The following ZNF519 variants were observed in gnomAD, a reference collection of about 807,000 sequenced individuals.
The protein encoded by ZNF519 is zinc finger protein 519, also known as similar to Zinc finger protein 85 (Zinc finger protein HPF4) (HTF1).
In ZNF519, 7 loss-of-function variants were observed where a neutral mutation model predicts 7.4. That is an observed-to-expected ratio of 0.94 (90% CI 0.54 to 1.77). The LOEUF is 1.77. Ranked by LOEUF, ZNF519 falls within the 40% of genes most tolerant of loss-of-function variation. ZNF519 has a pLI of 0.00. For missense variants in ZNF519, 586 were observed against 623.1 expected, an observed-to-expected ratio of 0.94 and a Z score of 0.63; for synonymous variants, 179 against 203.3, an observed-to-expected ratio of 0.88 and a Z score of 1.02.
downstream of ZNF519, among the ~76,000 whole-genome samples, chr18:14,097,179 G>C (rs2046140326): frequency 6.6e-6 from 1 of 152,196 alleles, no homozygotes; most frequent in South Asian, 2.1e-4. Flanking sequence ...AGTAAAAACA[G>C]TGATGATGAA....
At chr18:14,128,004 C>G (rs2143173539) in intron 1 of ZNF519, among the ~76,000 whole-genome samples, 1 of 151,922 alleles carries the variant, frequency 6.6e-6, no homozygotes, top group East Asian at 1.9e-4. Context: ...AAAAACTCTC[C>G]ACCAGCCGGG....
intron 1 of ZNF519, among the ~76,000 whole-genome samples, chr18:14,125,262 C>T (rs1226340554): frequency 6.6e-6 from 1 of 152,160 alleles, no homozygotes; most frequent in Non-Finnish European, 1.5e-5. Context: ...TTTACAAAGG[C>T]AGGAGATAAT....
At chr18:14,129,353 T>C (rs1225775831) in intron 1 of ZNF519, among the ~76,000 whole-genome samples, 1 of 152,088 alleles carries the variant, frequency 6.6e-6, no homozygotes, top group Non-Finnish European at 1.5e-5. Context: ...GGGAGGAGTG[T>C]AGCCAGATCA....
chr18:14,083,089 C>A (rs2143083152), intron 3 of ZNF519, among the ~76,000 whole-genome samples: 1 of 152,266 alleles, frequency 6.6e-6, no homozygotes, highest in East Asian at 1.9e-4. Flanking sequence ...GTGGCTCACG[C>A]CTATAATCCC....
At chr18:14,093,207 A>C (rs2046121395) in intron 2 of ZNF519, among the ~76,000 whole-genome samples, 1 of 152,128 alleles carries the variant, frequency 6.6e-6, no homozygotes, top group Non-Finnish European at 1.5e-5. Context: ...AGCTAGAGAC[A>C]CCGCTGCTTA....
downstream of ZNF519, among the ~76,000 whole-genome samples, chr18:14,097,340 G>C (rs933334034): frequency 5.3e-5 from 8 of 152,280 alleles, no homozygotes; most frequent in African/African-American, 1.4e-4. Context: ...ATGGTTGCAG[G>C]ATGGAGTTTC....
At chr18:14,126,478 A>G (rs1302656223) in intron 1 of ZNF519, among the ~76,000 whole-genome samples, 1 of 152,174 alleles carries the variant, frequency 6.6e-6, no homozygotes, top group African/African-American at 2.4e-5. Context: ...TCAAAACTCA[A>G]AACAAGGGAT....
chr18:14,073,227 G>A (rs2046034429), downstream of ZNF519: 1 of 150,450 alleles, frequency 6.6e-6, no homozygotes. Context: ...AGTTTGCATG[G>A]AAATTTTTAT....
At chr18:14,075,772 C>G (rs1426941618), downstream of ZNF519, 1 of 152,182 alleles carries the variant, frequency 6.6e-6, no homozygotes, top group Non-Finnish European at 1.5e-5. Context: ...TACTTCTATT[C>G]ATATTCAGAG....
At chr18:14,083,460 T>A (rs2046077721) in intron 3 of ZNF519, among the ~76,000 whole-genome samples, 1 of 152,200 alleles carries the variant, frequency 6.6e-6, no homozygotes, top group Admixed American at 6.5e-5. Flanking sequence ...ATTCTGTCAA[T>A]GATTTAAACA....
intron 3 of ZNF519, among the ~76,000 whole-genome samples, chr18:14,079,293 T>A (rs552210434): frequency 6.6e-6 from 1 of 152,304 alleles, no homozygotes; most frequent in African/African-American, 2.4e-5. Flanking sequence ...AGATATACCA[T>A]GCTCATAGAT....
downstream of ZNF519, chr18:14,073,453 T>C (rs1313499578): frequency 6.6e-6 from 1 of 152,098 alleles, no homozygotes; most frequent in Non-Finnish European, 1.5e-5. Context: ...GCATTTTTAG[T>C]AGAGGCAAGG....
rs558556401 is a variant in ZNF519, at chr18:14,104,537, A to G, written c.*380T>C. 21 of 161,292 alleles carry G rather than the reference A, an allele frequency of 1.3e-4. 1 individual carries two copies. Among genetic ancestry groups the G allele is most frequent in the East Asian group, 1.3e-3 (7 of 5,416 alleles). The allele number at this position is 161,292 out of a possible 1,614,324, so 10.0% of individuals were successfully genotyped here. A position where few individuals can be genotyped will look rare whatever the true frequency, so the allele number is the denominator to read the frequency against. ...ACAGCAATAATCAACCACAGTGGGG[A>G]AAAAAAAGGTTAATTTGAATTTAAT... On this transcript the variant is annotated 3_prime_UTR_variant, in exon 3 of 3. Transcript: ENST00000590202.
At chr18:14,116,876 T>C (rs548418529) in intron 2 of ZNF519, among the ~76,000 whole-genome samples, 105 of 152,226 alleles carry the variant, frequency 6.9e-4, no homozygotes, top group African/African-American at 2.2e-3. Context: ...CCAGGTGTGG[T>C]GGTACATGCC....
downstream of ZNF519, among the ~76,000 whole-genome samples, chr18:14,095,192 A>G (rs80030104): frequency 2.0e-5 from 3 of 152,236 alleles, no homozygotes; most frequent in African/African-American, 4.8e-5. Flanking sequence ...AGCAAAACCT[A>G]AAGGGGTCCA....
intron 3 of ZNF519, among the ~76,000 whole-genome samples, chr18:14,081,338 T>C (rs1388910853): frequency 2.1e-5 from 3 of 143,502 alleles, no homozygotes; most frequent in Non-Finnish European, 3.1e-5. Flanking sequence ...AATGGGAACA[T>C]ATGGGCATTA....
At chr18:14,096,120 A>G (rs926507681), downstream of ZNF519, among the ~76,000 whole-genome samples, 33 of 152,212 alleles carry the variant, frequency 2.2e-4, no homozygotes, top group African/African-American at 8.0e-4. Flanking sequence ...TCTGCCTGGT[A>G]CTGGGTTTTG....
downstream of ZNF519, chr18:14,074,612 C>G (rs2046040683): frequency 6.6e-6 from 1 of 152,592 alleles, no homozygotes; most frequent in Admixed American, 6.5e-5. Flanking sequence ...TACCATCAGT[C>G]TCTTTGCTAA....
At position 14,102,557 on chromosome 18, in the gene ZNF519, C is replaced by A. The variant is rs2046167374; in HGVS notation, c.*2360G>T. On this transcript the variant is annotated 3_prime_UTR_variant, in exon 3 of 3. Transcript: ENST00000590202. Reference sequence around the variant, plus strand: ...GCAAACATATAAATTTCAACATTTACAAGTCACATTTATGAATATATCTCT... The same window carrying A: ...GCAAACATATAAATTTCAACATTTAAAAGTCACATTTATGAATATATCTCT... The A allele has an allele frequency of 4.6e-5, 7 of 152,168 alleles. No homozygotes were observed. The highest frequency in any genetic ancestry group is 4.6e-4 in the Admixed American group (7 of 15,284). 9.4% of individuals were successfully genotyped at this position (152,168 alleles called of 1,614,324 possible). A position where few individuals can be genotyped will look rare whatever the true frequency, so the allele number is the denominator to read the frequency against.
Sources: allele counts gnomAD v4.1 joint callset (sites outside exome capture counted in the v4.1 genomes callset), GRCh38; gene constraint gnomAD v4.1.1; transcripts MANE v1.5; gene names NCBI Gene and HGNC (gene_info 2026-07-23, HGNC 2026-07-21).